PLD5: variants seen among roughly 807,000 people sequenced by gnomAD.
PLD5 encodes the protein phospholipase D family member 5, also known as inactive phospholipase D5.
PLD5 carries 36 observed loss-of-function variants against 61.1 expected under a neutral mutation model. That is an observed-to-expected ratio of 0.59 (90% CI 0.45 to 0.78). The LOEUF (loss-of-function observed/expected upper bound fraction) is 0.78. PLD5 is among the 30% of genes least tolerant of loss of function. The probability of loss-of-function intolerance (pLI) is 0.00; values close to 1 mark genes in which losing one functional copy is unlikely to be tolerated. For synonymous variants in PLD5, 243 were observed against 242.8 expected, an observed-to-expected ratio of 1.00 and a Z score of -0.01; for missense variants, 515 against 644.4, an observed-to-expected ratio of 0.80 and a Z score of 2.17.
chr1:242,524,260 T>C lies in PLD5; in HGVS notation c.17A>G (p.His6Arg). ...ATGGGGGGAGGCCGAGAGCCACTCG[T>C]GCTGCCGGATCTCCATCCTGACATG... MEIRQ[H>R]EWLSASPHEG... Residue 6 changes from histidine (H) to arginine (R), a missense_variant, in exon 1 of 10, where the codon CAC (histidine) becomes CGC (arginine). By Grantham distance (29) the His-to-Arg change is conservative. Around this residue, in one of 2 missense-constraint regions of PLD5, gnomAD observed 65 missense variants for 46.3 expected, o/e 1.40. Transcript: ENST00000536534. The C allele has an allele frequency of 6.7e-7, 1 of 1,486,800 alleles. No individual in the cohort carries two copies. The highest frequency in any genetic ancestry group is 8.9e-7 in the Non-Finnish European group (1 of 1,122,920). The allele number at this position is 1,486,800 out of a possible 1,614,324, so 92.1% of individuals were successfully genotyped here.
In PLD5 at chr1:242,410,956, C is replaced by CAA. The variant is rs202231265; in HGVS notation, c.190-62715_190-62714insTT. ...CCCAATGCTGATTTTTACCAATAAT[C>CAA]GAAAAAAAAAAGAAAAAAGTATTTT... On this transcript the variant is annotated intron_variant, in intron 1 of 9. Transcript: ENST00000536534. Among the ~76,000 whole-genome samples, 376 of 127,890 alleles carry CAA rather than the reference C, an allele frequency of 2.9e-3. 3 individuals are homozygous for CAA. Among genetic ancestry groups the CAA allele is most frequent in the Middle Eastern group, 4.0e-3 (1 of 250 alleles). 83.9% of individuals were successfully genotyped at this position (127,890 alleles called of 152,430 possible).
chr1:242,475,303 G>A (rs1164071573), intron 1 of PLD5, among the ~76,000 whole-genome samples: 1 of 151,608 alleles, frequency 6.6e-6, no homozygotes, highest in African/African-American at 2.4e-5. Flanking sequence ...GGCGCCTGTA[G>A]TCCCAGCTAC....
chr1:242,446,646 T>A (rs1001672802), intron 1 of PLD5, among the ~76,000 whole-genome samples: 1 of 152,140 alleles, frequency 6.6e-6, no homozygotes, highest in African/African-American at 2.4e-5. Context: ...CATTGGACCG[T>A]CTCCCAGTTA....
chr1:242,237,046 A>T (rs1471225053), intron 4 of PLD5, among the ~76,000 whole-genome samples: 1 of 152,206 alleles, frequency 6.6e-6, no homozygotes, highest in Non-Finnish European at 1.5e-5. Context: ...CTGTCTTCCC[A>T]CCATTAACCA....
chr1:242,528,500 G>C (rs1183761577), upstream of PLD5, among the ~76,000 whole-genome samples: 1 of 152,142 alleles, frequency 6.6e-6, no homozygotes, highest in East Asian at 1.9e-4. Context: ...TGTTAATATT[G>C]TCTGAATTAG....
intron 2 of PLD5, among the ~76,000 whole-genome samples, chr1:242,299,666 T>C (rs1675917229): frequency 6.6e-6 from 1 of 152,252 alleles, no homozygotes; most frequent in African/African-American, 2.4e-5. Context: ...TGACAGTGAA[T>C]TCCAGATTCG....
At chr1:242,128,526 C>T (rs149396168) in intron 5 of PLD5, among the ~76,000 whole-genome samples, 1 of 152,306 alleles carries the variant, frequency 6.6e-6, no homozygotes, top group East Asian at 1.9e-4. Context: ...GTAGTCACAG[C>T]ACGTTCAGGC....
intron 1 of PLD5, among the ~76,000 whole-genome samples, chr1:242,385,480 T>G (rs1283493272): frequency 6.6e-6 from 1 of 152,196 alleles, no homozygotes; most frequent in Non-Finnish European, 1.5e-5. Flanking sequence ...CACCTGTTTC[T>G]TTGTTGGATT....
chr1:242,503,445 G>A (rs993344365), intron 1 of PLD5, among the ~76,000 whole-genome samples: 7 of 152,168 alleles, frequency 4.6e-5, no homozygotes, highest in African/African-American at 1.4e-4. Context: ...GCAGAACCAT[G>A]AGCCAATTAA....
intron 1 of PLD5, among the ~76,000 whole-genome samples, chr1:242,415,467 T>C (rs1323829677): frequency 6.6e-6 from 1 of 151,680 alleles, no homozygotes; most frequent in East Asian, 1.9e-4. Flanking sequence ...CAGTCAACAA[T>C]TGCAAAAAGC....
At chr1:242,352,257 C>T (rs35360475) in intron 1 of PLD5, among the ~76,000 whole-genome samples, 1,687 of 152,316 alleles carry the variant, frequency 0.011, 14 homozygotes, top group Middle Eastern at 0.017. Context: ...CTCTCTACTT[C>T]TATAACTGCA....
rs535216161 is a variant in PLD5 at position 242,296,520 on chromosome 1, G to A, written c.327-7990C>T. ...GAATTTCTGACTTAGAAGGTGACTC[G>A]CTACCTATGTGGCAGATTCACTGAC... On this transcript the variant is annotated intron_variant, in intron 2 of 9. Coordinates refer to ENST00000536534, the MANE Select transcript of PLD5 (RefSeq NM_001372062.1). 5.9e-5 allele frequency among the ~76,000 whole-genome samples: 9 copies of A among 152,284 alleles called. No individual in the cohort carries two copies. The South Asian group carries it at 1.9e-3, about 32-fold the overall frequency.
chr1:242,331,605 A>G (rs1659176859), intron 2 of PLD5, among the ~76,000 whole-genome samples: 1 of 152,222 alleles, frequency 6.6e-6, no homozygotes, highest in African/African-American at 2.4e-5. Context: ...CTGAACCTGG[A>G]AAGAGACACG....
chr1:242,298,597 G>GT (rs1268110051), intron 2 of PLD5, among the ~76,000 whole-genome samples: 1 of 152,184 alleles, frequency 6.6e-6, no homozygotes, highest in Non-Finnish European at 1.5e-5. Context: ...GGTCGACAGA[G>GT]GAACTAAGCA....
At chr1:242,090,578 T>A (rs1659744349) in intron 9 of PLD5, among the ~76,000 whole-genome samples, 2 of 152,186 alleles carry the variant, frequency 1.3e-5, no homozygotes, top group Admixed American at 6.5e-5. Flanking sequence ...GAGACTCAGT[T>A]CCTAACAAAC....
At chr1:242,142,713 T>TC (rs1491364440) in intron 5 of PLD5, among the ~76,000 whole-genome samples, 10 of 71,240 alleles carry the variant, frequency 1.4e-4, no homozygotes, top group Admixed American at 2.1e-4. Context: ...GAGCTGTGTC[T>TC]TTCTCTCTCT....
At chr1:242,362,781 A>G (rs1216591681) in intron 1 of PLD5, among the ~76,000 whole-genome samples, 1 of 152,052 alleles carries the variant, frequency 6.6e-6, no homozygotes, top group Non-Finnish European at 1.5e-5. Context: ...TTAGGGCTCT[A>G]TCTTAGGATT....
chr1:242,491,539 A>G (rs1014807246), intron 1 of PLD5, among the ~76,000 whole-genome samples: 2 of 152,250 alleles, frequency 1.3e-5, no homozygotes, highest in African/African-American at 4.8e-5. Context: ...AAAAAATAGT[A>G]AACACGTATA....
intron 1 of PLD5, among the ~76,000 whole-genome samples, chr1:242,350,912 T>G (rs1660438283): frequency 6.7e-6 from 1 of 149,854 alleles, no homozygotes; most frequent in African/African-American, 2.4e-5. Flanking sequence ...TTTTTTTTTT[T>G]CCTTTTGAGA....
Sources: gnomAD v4.1 joint callset for allele counts (sites outside exome capture counted in the v4.1 genomes callset) on GRCh38, gnomAD v4.1.1 for gene constraint, gnomAD v4.1.1 regional missense constraint, MANE v1.5 for transcripts, NCBI Gene and HGNC (gene_info 2026-07-23, HGNC 2026-07-21) for gene names.